Variants in TMEM38B observed in about 807,000 individuals in gnomAD.
TMEM38B encodes the protein transmembrane protein 38B, also known as trimeric intracellular cation channel type B.
In TMEM38B, 24 loss-of-function variants were observed where a neutral mutation model predicts 28.7. The ratio of observed to expected loss-of-function variants is 0.84; its 90% CI spans 0.61 to 1.18. The LOEUF is 1.18. TMEM38B is among the 50% of genes most tolerant of loss of function. The pLI is 0.00. For missense variants in TMEM38B, 380 were observed against 350.9 expected (o/e 1.08, Z -0.66); for synonymous variants, 131 against 127.7 (o/e 1.03, Z -0.17).
chr9:105,733,528 T>C (rs1836854654), intron 4 of TMEM38B, among the ~76,000 whole-genome samples: 1 of 151,114 alleles, frequency 6.6e-6, no homozygotes, highest in African/African-American at 2.4e-5. Context: ...CTTGGAAGAG[T>C]TTAAGAAATA....
intron 5 of TMEM38B, among the ~76,000 whole-genome samples, chr9:105,753,360 A>AT (rs1313731317): frequency 8.5e-5 from 13 of 152,122 alleles, no homozygotes; most frequent in African/African-American, 3.1e-4. Context: ...AAGACACATA[A>AT]TCATCAGATT....
chr9:105,740,499 T>TC (rs1837161331), intron 4 of TMEM38B, among the ~76,000 whole-genome samples: 1 of 152,020 alleles, frequency 6.6e-6, no homozygotes, highest in South Asian at 2.1e-4. Context: ...ACTCGTGAGG[T>TC]CAAGCGATCC....
At chr9:105,731,809 T>C (rs1271916022) in intron 4 of TMEM38B, among the ~76,000 whole-genome samples, 1 of 152,204 alleles carries the variant, frequency 6.6e-6, no homozygotes, top group Non-Finnish European at 1.5e-5. Flanking sequence ...TATAATCCTT[T>C]AGGTATATAC....
chr9:105,760,831 G>C, intron 5 of TMEM38B: 1 of 670,748 alleles, frequency 1.5e-6, no homozygotes, highest in Non-Finnish European at 2.5e-6. Context: ...TAATCAAAAG[G>C]AAGTCTGTTA....
intron 2 of TMEM38B, among the ~76,000 whole-genome samples, chr9:105,719,000 A>G (rs1390847464): frequency 6.6e-6 from 1 of 152,220 alleles, no homozygotes; most frequent in East Asian, 1.9e-4. Context: ...CATGAACTGT[A>G]TTTAGTTTAT....
chr9:105,772,217 A>G (rs569180688), intron 5 of TMEM38B, among the ~76,000 whole-genome samples: 1 of 152,136 alleles, frequency 6.6e-6, no homozygotes, highest in East Asian at 1.9e-4. Context: ...AGGCTTTTGG[A>G]TTCTCATCCT....
At chr9:105,747,519 A>G (rs1837460057) in intron 4 of TMEM38B, among the ~76,000 whole-genome samples, 1 of 152,116 alleles carries the variant, frequency 6.6e-6, no homozygotes, top group Non-Finnish European at 1.5e-5. Context: ...GATCTTTTCA[A>G]AAAAACAGCT....
intron 4 of TMEM38B, among the ~76,000 whole-genome samples, chr9:105,734,868 T>C (rs1448693733): frequency 6.6e-6 from 1 of 150,750 alleles, no homozygotes; most frequent in African/African-American, 2.4e-5. Flanking sequence ...GTTGGATCTT[T>C]TTTTTTTTTT....
At chr9:105,763,222 G>C (rs1337293977) in intron 5 of TMEM38B, among the ~76,000 whole-genome samples, 2 of 152,062 alleles carry the variant, frequency 1.3e-5, no homozygotes, top group South Asian at 4.2e-4. Context: ...TGTTCACTGT[G>C]ATGGTAGTTT....
intron 5 of TMEM38B, among the ~76,000 whole-genome samples, chr9:105,762,814 A>T (rs1184252016): frequency 2.0e-5 from 3 of 150,000 alleles, no homozygotes; most frequent in Non-Finnish European, 4.5e-5. Context: ...CTAATTCTAG[A>T]TCCCTGAGGA....
chr9:105,760,336 T>C (rs1837994544), intron 5 of TMEM38B: 1 of 773,108 alleles, frequency 1.3e-6, no homozygotes, highest in African/African-American at 1.7e-5. Flanking sequence ...ATTAGTTTCT[T>C]TCTTACTGGA....
At chr9:105,710,269 G>T in intron 2 of TMEM38B, 1 of 624,976 alleles carries the variant, frequency 1.6e-6, no homozygotes, top group Non-Finnish European at 2.9e-6. Flanking sequence ...AACTGTACTG[G>T]ATATTCCAGC....
intron 5 of TMEM38B, among the ~76,000 whole-genome samples, chr9:105,765,906 A>G (rs1017879286): frequency 2.6e-5 from 4 of 152,026 alleles, no homozygotes; most frequent in South Asian, 2.1e-4. Context: ...GGTTCAAGTG[A>G]TTCTCCTGCC....
intron 5 of TMEM38B, among the ~76,000 whole-genome samples, chr9:105,751,755 C>T (rs1469945962): frequency 6.6e-6 from 1 of 152,210 alleles, no homozygotes; most frequent in African/African-American, 2.4e-5. Flanking sequence ...TTCCAGCCTG[C>T]CAGCTTTGGA....
rs1042845127 is a variant in TMEM38B, at chr9:105,722,674, C to T, written c.542+53C>T. 4.1e-6 allele frequency: 6 copies of T among 1,451,448 alleles called. No homozygotes were observed. In the African/African-American group the frequency reaches 5.7e-5, roughly 14 times the overall value. 89.9% of individuals were successfully genotyped at this position (1,451,448 alleles called of 1,614,324 possible). A position where few individuals can be genotyped will look rare whatever the true frequency, so the allele number is the denominator to read the frequency against. On this transcript the variant is annotated intron_variant, in intron 4 of 5. Coordinates refer to ENST00000374692, the MANE Select transcript of TMEM38B (RefSeq NM_018112.3). ...CTAGATGTTTATCCTTAGATCTTAC[C>T]AAATTCCTTTTTAAGAACATTTTAG...
chr9:105,740,875 A>C (rs899623772), intron 4 of TMEM38B, among the ~76,000 whole-genome samples: 1 of 152,210 alleles, frequency 6.6e-6, no homozygotes, highest in African/African-American at 2.4e-5. Context: ...TTTCTGCATA[A>C]ATATATTTTT....
intron 2 of TMEM38B, among the ~76,000 whole-genome samples, chr9:105,720,026 A>AT (rs1364996302): frequency 6.6e-6 from 1 of 152,080 alleles, no homozygotes; most frequent in Non-Finnish European, 1.5e-5. Context: ...TTTTCTATGA[A>AT]TGTGTAAAAA....
At chr9:105,711,287 A>G (rs148173142) in intron 2 of TMEM38B, among the ~76,000 whole-genome samples, 12 of 151,882 alleles carry the variant, frequency 7.9e-5, no homozygotes, top group Non-Finnish European at 1.6e-4. Context: ...CTAAAATTAC[A>G]AAAATTAGCT....
At chr9:105,771,609 A>G (rs1348458925) in intron 5 of TMEM38B, among the ~76,000 whole-genome samples, 3 of 152,212 alleles carry the variant, frequency 2.0e-5, no homozygotes, top group African/African-American at 4.8e-5. Flanking sequence ...AAGTCAAGCT[A>G]TGACCAAGGT....
Sources: gnomAD v4.1 joint callset for allele counts (sites outside exome capture counted in the v4.1 genomes callset) on GRCh38, gnomAD v4.1.1 for gene constraint, MANE v1.5 for transcripts, NCBI Gene and HGNC (gene_info 2026-07-23, HGNC 2026-07-21) for gene names.